BTNL8: variants seen among roughly 807,000 people sequenced by gnomAD.
BTNL8 encodes the protein butyrophilin like 8, also known as butyrophilin-like protein 8.
In BTNL8, 22 loss-of-function variants were observed where a neutral mutation model predicts 36.1. That is an observed-to-expected ratio of 0.61 (90% CI 0.44 to 0.87). The LOEUF is 0.87. Ranked by LOEUF, BTNL8 falls within the 40% of genes least tolerant of loss-of-function variation. The probability of loss-of-function intolerance (pLI) is 0.00; values close to 1 mark genes in which losing one functional copy is unlikely to be tolerated. For missense variants in BTNL8, 526 were observed against 616.9 expected, an observed-to-expected ratio of 0.85 and a Z score of 1.56; for synonymous variants, 203 against 235.6, an observed-to-expected ratio of 0.86 and a Z score of 1.27.
intron 2 of BTNL8, among the ~76,000 whole-genome samples, chr5:180,909,180 C>T (rs1757269887): frequency 6.6e-6 from 1 of 152,128 alleles, no homozygotes; most frequent in African/African-American, 2.4e-5. Context: ...TCTGTCACCC[C>T]TTCATGGTCA....
chr5:180,921,881 C>T (rs1298813333), intron 3 of BTNL8, among the ~76,000 whole-genome samples: 1 of 151,940 alleles, frequency 6.6e-6, no homozygotes, highest in African/African-American at 2.4e-5. Context: ...ACCTATCATA[C>T]TTGATAAATG....
chr5:180,909,399 A>G (rs573402945), intron 2 of BTNL8, among the ~76,000 whole-genome samples: 2 of 152,270 alleles, frequency 1.3e-5, no homozygotes, highest in South Asian at 2.1e-4. Context: ...AGTTTTCCTT[A>G]TGAACATTTA....
intron 3 of BTNL8, among the ~76,000 whole-genome samples, chr5:180,928,258 A>C (rs1758197370): frequency 6.6e-6 from 1 of 152,230 alleles, no homozygotes; most frequent in Non-Finnish European, 1.5e-5. Context: ...AAGGAGAAAT[A>C]AAATCCTTTA....
chr5:180,919,255 T>C (rs1001780134), intron 3 of BTNL8, among the ~76,000 whole-genome samples: 7 of 152,228 alleles, frequency 4.6e-5, no homozygotes, highest in Admixed American at 4.6e-4. Flanking sequence ...GTAATGTTAA[T>C]GCTGCTCAGT....
intron 3 of BTNL8, among the ~76,000 whole-genome samples, chr5:180,942,897 A>G (rs555640571): frequency 6.6e-6 from 1 of 152,206 alleles, no homozygotes; most frequent in African/African-American, 2.4e-5. Flanking sequence ...TTTTTATGTG[A>G]TTTCAAAACC....
At chr5:180,944,632 T>C (rs1200639807) in intron 3 of BTNL8, among the ~76,000 whole-genome samples, 2 of 152,068 alleles carry the variant, frequency 1.3e-5, no homozygotes, top group Non-Finnish European at 2.9e-5. Context: ...TAATTACCAA[T>C]AACATATTAC....
intron 3 of BTNL8, among the ~76,000 whole-genome samples, chr5:180,927,235 G>A (rs1758146482): frequency 6.6e-6 from 1 of 152,166 alleles, no homozygotes; most frequent in African/African-American, 2.4e-5. Context: ...AGAGGGTCCT[G>A]ACTGGTAGAA....
chr5:180,911,695 C>T, intron 3 of BTNL8, 81 bp downstream of exon 3: 1 of 1,336,586 alleles, frequency 7.5e-7, no homozygotes, highest in Non-Finnish European at 1.0e-6. Context: ...TCCATCTTGG[C>T]ATTGCTGTTT....
At chr5:180,917,954 G>A (rs1337543458) in intron 3 of BTNL8, among the ~76,000 whole-genome samples, 4 of 151,688 alleles carry the variant, frequency 2.6e-5, no homozygotes, top group Admixed American at 6.6e-5. Context: ...GCGTGAACCC[G>A]GGAGGTGGAG....
At chr5:180,933,472 C>G (rs62406734) in intron 3 of BTNL8, among the ~76,000 whole-genome samples, 6,434 of 152,130 alleles carry the variant, frequency 0.042, 212 homozygotes, top group Non-Finnish European at 0.065. Flanking sequence ...AATGGTACAA[C>G]CTAGAAATCA....
chr5:180,908,713 G>C lies in BTNL8; in HGVS notation c.177G>C (p.Gln59His). Residue 59 changes from glutamine (Q) to histidine (H), a missense_variant, in exon 2 of 8, where the codon CAG (glutamine) becomes CAC (histidine). Around this residue, in one of 2 missense-constraint regions of BTNL8, gnomAD observed 350 missense variants for 324.6 expected, o/e 1.08. Coordinates refer to ENST00000340184, the MANE Select transcript of BTNL8 (RefSeq NM_001040462.3). ...EAMEVRFFRG[Q>H]FSSVVHLYRD... ...TGGAAGTGCGGTTCTTCAGGGGCCAGTTCTCTAGCGTGGTCCACCTCTACA... is the reference window on the plus strand; with the variant it reads ...TGGAAGTGCGGTTCTTCAGGGGCCACTTCTCTAGCGTGGTCCACCTCTACA... 6.2e-7 allele frequency: 1 copy of C among 1,614,216 alleles called. No individual in the cohort carries two copies. Among genetic ancestry groups the C allele is most frequent in the Non-Finnish European group, 8.5e-7 (1 of 1,180,040 alleles).
At chr5:180,902,255 A>T in intron 1 of BTNL8, 1 of 1,165,976 alleles carries the variant, frequency 8.6e-7, no homozygotes, top group Admixed American at 2.4e-5. Context: ...CTGGAATCAA[A>T]GGGTCTACAT....
chr5:180,901,003 A>G (rs4701000), intron 1 of BTNL8, among the ~76,000 whole-genome samples: 58,541 of 151,678 alleles, frequency 0.39, 12,856 homozygotes, highest in African/African-American at 0.61. Flanking sequence ...GGCTCCAGGG[A>G]CGGAGCTGTC....
chr5:180,922,201 G>T (rs1582032974), intron 3 of BTNL8, among the ~76,000 whole-genome samples: 1 of 151,720 alleles, frequency 6.6e-6, no homozygotes, highest in East Asian at 1.9e-4. Context: ...CTTCAGTTCA[G>T]CTCTGATTTT....
intron 3 of BTNL8, among the ~76,000 whole-genome samples, chr5:180,921,694 C>G (rs921394338): frequency 2.0e-5 from 3 of 149,050 alleles, no homozygotes; most frequent in South Asian, 2.1e-4. Context: ...CACACACACA[C>G]AGACACACAC....
At chr5:180,926,766 C>T (rs1171822245) in intron 3 of BTNL8, among the ~76,000 whole-genome samples, 2 of 152,212 alleles carry the variant, frequency 1.3e-5, no homozygotes, top group Non-Finnish European at 2.9e-5. Context: ...CAGACTGCCT[C>T]TCTAGATTCC....
rs191772011 is a variant in BTNL8 at position 180,942,889 on chromosome 5, T to C, written c.674-4623T>C. On this transcript the variant is annotated intron_variant, in intron 3 of 7. Coordinates refer to ENST00000340184, the MANE Select transcript of BTNL8 (RefSeq NM_001040462.3). ...ACATTGGACTGGGCAATAATTTTTT[T>C]TTATGTGATTTCAAAACCACAGACA... Among the ~76,000 whole-genome samples the C allele has an allele frequency of 2.5e-3, 381 of 152,174 alleles. 2 individuals are homozygous for C. The highest frequency in any genetic ancestry group is 8.9e-3 in the African/African-American group (369 of 41,502).
At chr5:180,947,731 C>T in intron 4 of BTNL8, 106 bp downstream of exon 4, 1 of 1,614,172 alleles carries the variant, frequency 6.2e-7, no homozygotes. Context: ...CTAGTCCTAG[C>T]CTCCAGGGGC....
chr5:180,936,204 G>A (rs1007087724), intron 3 of BTNL8, among the ~76,000 whole-genome samples: 11 of 151,920 alleles, frequency 7.2e-5, no homozygotes, highest in East Asian at 1.9e-4. Context: ...CCACCGCCCC[G>A]GCACTTCTTT....
Sources: gnomAD v4.1 joint callset for allele counts (sites outside exome capture counted in the v4.1 genomes callset) on GRCh38, gnomAD v4.1.1 for gene constraint, gnomAD v4.1.1 regional missense constraint, MANE v1.5 for transcripts, NCBI Gene and HGNC (gene_info 2026-07-23, HGNC 2026-07-21) for gene names.